THAP4: variants seen among roughly 807,000 people sequenced by gnomAD.
The protein encoded by THAP4 is THAP domain containing 4.
Under a neutral mutation model 48.1 loss-of-function variants are expected in THAP4, and 18 were observed. That is an observed-to-expected ratio of 0.37 (90% CI 0.26 to 0.56). The LOEUF is 0.56. Among genes scored for constraint, THAP4 ranks in the 20% least tolerant of loss-of-function variants. THAP4 has a pLI of 0.78. For synonymous variants in THAP4, 345 were observed against 324.9 expected (o/e 1.06, Z -0.66); for missense variants, 656 against 774.9 (o/e 0.85, Z 1.82).
intron 5 of THAP4, among the ~76,000 whole-genome samples, chr2:241,599,828 G>C (rs140074173): frequency 0.01 from 1,523 of 152,258 alleles, 23 homozygotes; most frequent in African/African-American, 0.035. Flanking sequence ...AAAAATGTGG[G>C]AAACGTTCCC....
intron 2 of THAP4, among the ~76,000 whole-genome samples, chr2:241,609,898 C>G (rs1180132687): frequency 6.6e-6 from 1 of 152,250 alleles, no homozygotes; most frequent in Non-Finnish European, 1.5e-5. Flanking sequence ...TCTCCTGGGA[C>G]CGGGTGGACC....
Position 241,610,338 on chromosome 2 carries a change from G to A in THAP4, c.1241-3865C>T, listed in dbSNP as rs2067251879. ...TCTCCGCCCTCTCTTGCGCCTGCGG[G>A]ACCGGGAGGGCCGCGCTCGCCCCCC... On this transcript the variant is annotated intron_variant, in intron 2 of 5. Coordinates refer to ENST00000407315, the MANE Select transcript of THAP4 (RefSeq NM_015963.6). This position sits in a 1 kb window ranked among gnomAD's most constrained non-coding sequence, Gnocchi z 4.2. Among the ~76,000 whole-genome samples, 1 of 152,196 alleles carries A rather than the reference G, an allele frequency of 6.6e-6. No individual in the cohort carries two copies. Among genetic ancestry groups the A allele is most frequent in the African/African-American group, 2.4e-5 (1 of 41,458 alleles).
rs146514281 is a variant in THAP4 at position 241,632,133 on chromosome 2, C to T, written c.1240+784G>A. ...TTGGAGACAGAGTCTTATTCTGTCA[C>T]CCAGGCCAGAGTGAAGTGGTGCAAT... is the stretch of plus-strand genomic sequence containing the variant. On this transcript the variant is annotated intron_variant, in intron 2 of 5. Transcript: ENST00000407315. 7.9e-3 allele frequency among the ~76,000 whole-genome samples: 1,195 copies of T among 151,662 alleles called. 44 individuals are homozygous for T. Among genetic ancestry groups the T allele is most frequent in the Admixed American group, 0.053 (813 of 15,218 alleles).
chr2:241,637,554 C>T (rs2067701402), upstream of THAP4: 1 of 1,480,106 alleles, frequency 6.8e-7, no homozygotes, highest in Non-Finnish European at 8.9e-7. Context: ...CCCGGCCGTA[C>T]GCCAAAATGG....
chr2:241,628,764 C>G (rs1173741472), intron 2 of THAP4, among the ~76,000 whole-genome samples: 1 of 139,868 alleles, frequency 7.1e-6, no homozygotes, highest in Non-Finnish European at 1.6e-5. Flanking sequence ...ACAAAAAAAA[C>G]AAAAAAACAA....
chr2:241,605,581 A>G (rs566919395), intron 3 of THAP4, among the ~76,000 whole-genome samples: 3 of 152,318 alleles, frequency 2.0e-5, no homozygotes, highest in South Asian at 2.1e-4. Flanking sequence ...AGGGACCTCA[A>G]GGGGCTTTTG....
At chr2:241,594,017 C>T (rs943995793) in intron 5 of THAP4, among the ~76,000 whole-genome samples, 3 of 152,142 alleles carry the variant, frequency 2.0e-5, no homozygotes, top group Non-Finnish European at 4.4e-5. Flanking sequence ...GATTCAGTAA[C>T]GAACAACTTG....
At chr2:241,596,140 C>A (rs2125071749) in intron 5 of THAP4, among the ~76,000 whole-genome samples, 1 of 150,994 alleles carries the variant, frequency 6.6e-6, no homozygotes, top group Middle Eastern at 3.4e-3. Context: ...GTCCAAGGGA[C>A]CCCAGACATC....
chr2:241,609,561 C>T (rs988970344), intron 2 of THAP4, among the ~76,000 whole-genome samples: 1 of 152,152 alleles, frequency 6.6e-6, no homozygotes, highest in Admixed American at 6.5e-5. Flanking sequence ...CCGAGACGGG[C>T]AGATCACCTC....
At chr2:241,622,160 A>T (rs2067436577) in intron 2 of THAP4, among the ~76,000 whole-genome samples, 2 of 152,224 alleles carry the variant, frequency 1.3e-5, no homozygotes, top group Admixed American at 1.3e-4. Flanking sequence ...GCCTGAGGTC[A>T]GGAGTTCGAG....
chr2:241,600,487 G>C (rs1445973874), intron 5 of THAP4, among the ~76,000 whole-genome samples: 2 of 152,130 alleles, frequency 1.3e-5, no homozygotes, highest in Non-Finnish European at 2.9e-5. Context: ...TAGCACTTTG[G>C]GAGGCCGAGG....
At chr2:241,628,889 G>A (rs901850575) in intron 2 of THAP4, among the ~76,000 whole-genome samples, 4 of 124,376 alleles carry the variant, frequency 3.2e-5, no homozygotes, top group Admixed American at 1.0e-4. Context: ...GCAGTAAGAC[G>A]AGATCATGCC....
At chr2:241,626,438 T>A (rs1402859205) in intron 2 of THAP4, among the ~76,000 whole-genome samples, 2 of 150,822 alleles carry the variant, frequency 1.3e-5, no homozygotes, top group Non-Finnish European at 2.9e-5. Context: ...CGAAACTACG[T>A]CTCAAAACAA....
At chr2:241,605,680 A>G (rs2067173471) in intron 3 of THAP4, among the ~76,000 whole-genome samples, 1 of 151,970 alleles carries the variant, frequency 6.6e-6, no homozygotes, top group Non-Finnish European at 1.5e-5. Context: ...AAATACAAAC[A>G]TGCACTATTA....
chr2:241,635,348 G>GA (rs1236961470), intron 1 of THAP4, among the ~76,000 whole-genome samples: 1 of 152,186 alleles, frequency 6.6e-6, no homozygotes, highest in African/African-American at 2.4e-5. Context: ...AAAATGGTGA[G>GA]AAAAAAGCAA....
Position 241,584,528 on chromosome 2 carries a change from G to T in THAP4, c.*78C>A. The stretch of plus-strand genomic sequence containing the variant: ...GCTCACGGCCACACCCACTTCTGCC[G>T]CAGGGACTGTCTGTTGAGGAGCCGA... On this transcript the variant is annotated 3_prime_UTR_variant, in exon 6 of 6. Transcript: ENST00000407315. 5.2e-6 allele frequency: 8 copies of T among 1,532,204 alleles called. No homozygotes were observed. Among genetic ancestry groups the T allele is most frequent in the Non-Finnish European group, 7.2e-6 (8 of 1,110,310 alleles). 94.9% of individuals were successfully genotyped at this position (1,532,204 alleles called of 1,614,324 possible).
intron 2 of THAP4, among the ~76,000 whole-genome samples, chr2:241,632,436 T>C (rs902964648): frequency 5.9e-5 from 9 of 152,118 alleles, no homozygotes; most frequent in African/African-American, 1.7e-4. Flanking sequence ...GTTAAAATAA[T>C]TATTAATGTT....
chr2:241,606,334 G>T lies in THAP4; in HGVS notation c.1380C>A (p.Gly460=). The change falls in exon 3 of 6, where the codon GGC becomes GGA. Residue 460 remains glycine, a synonymous_variant. Coordinates refer to ENST00000407315, the MANE Select transcript of THAP4 (RefSeq NM_015963.6). ...CTTACGAGAAGTTCAGCATGGGCTG[G>T]CCCACGTGGGAGATGTGAACCTCCT... The part of the protein sequence containing the change: ...YLEEVHISHV[G]QPMLNFSFNS... 6.4e-7 allele frequency: 1 copy of T among 1,560,762 alleles called. No individual in the cohort carries two copies. The highest frequency in any genetic ancestry group is 8.7e-7 in the Non-Finnish European group (1 of 1,151,878).
Position 241,616,747 on chromosome 2 carries a change from G to A in THAP4, c.1241-10274C>T, listed in dbSNP as rs1050119003. 2.0e-5 allele frequency among the ~76,000 whole-genome samples: 3 copies of A among 152,130 alleles called. No individual in the cohort carries two copies. Among genetic ancestry groups the A allele is most frequent in the Non-Finnish European group, 2.9e-5 (2 of 68,018 alleles). On this transcript the variant is annotated intron_variant, in intron 2 of 5. Coordinates refer to ENST00000407315, the MANE Select transcript of THAP4 (RefSeq NM_015963.6). This position sits in a 1 kb window ranked among gnomAD's most constrained non-coding sequence, Gnocchi z 4.6. ...TCAGACTGGAAAGGAAGGAGCACGC[G>A]GCTAAGCAACTAGATGGAGGCTTAC...
Sources: allele counts gnomAD v4.1 joint callset (sites outside exome capture counted in the v4.1 genomes callset), GRCh38; gene constraint gnomAD v4.1.1; non-coding constraint Gnocchi (gnomAD v3.1); transcripts MANE v1.5; gene names NCBI Gene and HGNC (gene_info 2026-07-23, HGNC 2026-07-21).